The following FYB2 variants were observed in gnomAD, a reference collection of about 807,000 sequenced individuals.
FYB2 encodes the protein FYN binding protein 2, also known as FYN-binding protein 2.
A neutral mutation model predicts 94.1 loss-of-function variants in FYB2; 103 were observed. The observed-to-expected ratio is 1.09, with a 90% CI of 0.93 to 1.29. FYB2 has a LOEUF of 1.29. Ranked by LOEUF, FYB2 falls within the 50% of genes most tolerant of loss-of-function variation. The pLI, the probability that FYB2 is intolerant of heterozygous loss-of-function variation, is 0.00. For missense variants in FYB2, 896 were observed against 841.5 expected (o/e 1.06, Z -0.80); for synonymous variants, 293 against 287.9 (o/e 1.02, Z -0.18).
intron 1 of FYB2, among the ~76,000 whole-genome samples, chr1:56,806,122 C>A (rs1646641149): frequency 6.6e-6 from 1 of 152,114 alleles, no homozygotes; most frequent in South Asian, 2.1e-4. Context: ...CAGACACAGG[C>A]CTTGCTGTCC....
intron 1 of FYB2, among the ~76,000 whole-genome samples, chr1:56,811,122 C>T (rs563162905): frequency 6.6e-6 from 1 of 152,236 alleles, no homozygotes; most frequent in Admixed American, 6.5e-5. Context: ...GAGGGACCGT[C>T]ATCAGGCAGG....
intron 4 of FYB2, among the ~76,000 whole-genome samples, chr1:56,776,637 T>C (rs1315598019): frequency 3.9e-5 from 6 of 152,146 alleles, no homozygotes; most frequent in African/African-American, 7.2e-5. Flanking sequence ...TTTCAGAGTG[T>C]CTTCTTTGAG....
chr1:56,824,711 T>C, the FYB2 span: 1 of 152,232 alleles, frequency 6.6e-6, no homozygotes, highest in Non-Finnish European at 1.5e-5. Flanking sequence ...GCCCTAGGGA[T>C]CGTACCTCCT....
chr1:56,758,913 G>A (rs1645422352), intron 5 of FYB2, among the ~76,000 whole-genome samples, 163 bp from the exon 6 acceptor site: 1 of 152,148 alleles, frequency 6.6e-6, no homozygotes, highest in South Asian at 2.1e-4. Flanking sequence ...AAATTATGGG[G>A]TCAGTGATCA....
intron 1 of FYB2, among the ~76,000 whole-genome samples, chr1:56,816,596 T>TA (rs1646887173): frequency 6.6e-6 from 1 of 152,186 alleles, no homozygotes; most frequent in Non-Finnish European, 1.5e-5. Flanking sequence ...GGCCAAGTTT[T>TA]AAAATCCCCC....
chr1:56,755,049 C>T (rs1172506793), intron 7 of FYB2, among the ~76,000 whole-genome samples: 1 of 152,032 alleles, frequency 6.6e-6, no homozygotes, highest in African/African-American at 2.4e-5. Context: ...ATATTTGCTT[C>T]TCCAGAGCTC....
chr1:56,803,762 G>A (rs888081346), intron 1 of FYB2, among the ~76,000 whole-genome samples: 1 of 152,160 alleles, frequency 6.6e-6, no homozygotes, highest in Non-Finnish European at 1.5e-5. Flanking sequence ...TCTAGTGTGG[G>A]CCTTGTTTTC....
chr1:56,739,993 G>A (rs857123), intron 13 of FYB2, among the ~76,000 whole-genome samples: 23,191 of 152,004 alleles, frequency 0.15, 2,556 homozygotes, highest in African/African-American at 0.3. Flanking sequence ...CCTGCAAAGC[G>A]TCTCCAGGGT....
intron 2 of FYB2, among the ~76,000 whole-genome samples, chr1:56,789,665 G>T (rs559964251): frequency 6.6e-6 from 1 of 152,176 alleles, no homozygotes; most frequent in Non-Finnish European, 1.5e-5. Flanking sequence ...CCTCTGATTT[G>T]TATCCCTGTA....
chr1:56,744,667 G>A (rs570296557), intron 9 of FYB2, among the ~76,000 whole-genome samples: 20 of 151,768 alleles, frequency 1.3e-4, no homozygotes, highest in Non-Finnish European at 2.1e-4. Flanking sequence ...CCAGTCTTAC[G>A]GCAGTTCTTA....
intron 1 of FYB2, among the ~76,000 whole-genome samples, chr1:56,793,313 G>C (rs1327429260): frequency 6.6e-6 from 1 of 152,064 alleles, no homozygotes; most frequent in Admixed American, 6.5e-5. Context: ...CTATCACCTG[G>C]AGTTTGGTTT....
intron 9 of FYB2, among the ~76,000 whole-genome samples, chr1:56,745,434 A>T (rs915972728): frequency 6.6e-6 from 1 of 151,990 alleles, no homozygotes; most frequent in Admixed American, 6.6e-5. Flanking sequence ...TAAAAGGGGC[A>T]ATTCCATCCT....
intron 4 of FYB2, among the ~76,000 whole-genome samples, chr1:56,776,099 G>A (rs1645869756): frequency 6.6e-6 from 1 of 152,048 alleles, no homozygotes; most frequent in Non-Finnish European, 1.5e-5. Flanking sequence ...CTAGTCCATT[G>A]GTTCTCTCCT....
intron 2 of FYB2, among the ~76,000 whole-genome samples, chr1:56,791,251 A>C (rs1570166331): frequency 6.8e-6 from 1 of 146,140 alleles, no homozygotes; most frequent in Non-Finnish European, 1.5e-5. Flanking sequence ...AAAAAACTAC[A>C]GTCCTTATCT....
intron 1 of FYB2, among the ~76,000 whole-genome samples, chr1:56,794,364 G>A (rs1324444401): frequency 1.3e-5 from 2 of 152,136 alleles, no homozygotes; most frequent in African/African-American, 4.8e-5. Flanking sequence ...TTTTGCTTTC[G>A]CAGGAAGTAG....
chr1:56,784,740 GGTCT>G (rs1483921542), intron 4 of FYB2, among the ~76,000 whole-genome samples: 3 of 151,968 alleles, frequency 2.0e-5, no homozygotes, highest in South Asian at 2.1e-4. Flanking sequence ...AAAATCCATT[GGTCT>G]GTCTATCTGT....
chr1:56,743,200 C>A (rs1305126382), intron 11 of FYB2, among the ~76,000 whole-genome samples: 3 of 152,024 alleles, frequency 2.0e-5, no homozygotes, highest in African/African-American at 7.2e-5. Context: ...TTGACCAATA[C>A]CTCCCCATTA....
intron 12 of FYB2, among the ~76,000 whole-genome samples, 168 bp from the exon 13 acceptor site, chr1:56,740,963 A>T (rs1644939235): frequency 6.6e-6 from 1 of 152,074 alleles, no homozygotes; most frequent in African/African-American, 2.4e-5. Context: ...GGGGACTCCA[A>T]AAAGCGGGAG....
chr1:56,777,676 A>G (rs1013520201), intron 4 of FYB2, among the ~76,000 whole-genome samples: 18 of 152,054 alleles, frequency 1.2e-4, no homozygotes, highest in Admixed American at 5.2e-4. Context: ...ACACCTTACC[A>G]CTACACACTC....
Sources: allele counts gnomAD v4.1 joint callset (sites outside exome capture counted in the v4.1 genomes callset), GRCh38; gene constraint gnomAD v4.1.1; transcripts MANE v1.5; gene names NCBI Gene and HGNC (gene_info 2026-07-23, HGNC 2026-07-21).